Variants in MTUS1 observed in about 807,000 individuals in gnomAD.
MTUS1 encodes microtubule-associated tumor suppressor 1.
MTUS1 carries 109 observed loss-of-function variants against 120.8 expected under a neutral mutation model. That is an observed-to-expected ratio of 0.90 (90% CI 0.77 to 1.06). The LOEUF is 1.06. Among genes scored for constraint, MTUS1 ranks in the 50% least tolerant of loss-of-function variants. The pLI is 0.00. For synonymous variants in MTUS1, 737 were observed against 550.5 expected, an observed-to-expected ratio of 1.34 and a Z score of -4.74; for missense variants, 2,210 against 1,486.3, an observed-to-expected ratio of 1.49 and a Z score of -8.01.
At chr8:17,744,692 T>TC (rs1295269853) in intron 2 of MTUS1, among the ~76,000 whole-genome samples, 21 of 147,572 alleles carry the variant, frequency 1.4e-4, no homozygotes, top group Admixed American at 1.4e-3. Context: ...ATGTTTTCTT[T>TC]TTTTTTTTTT....
At chr8:17,655,786 A>G (rs999572775) in intron 9 of MTUS1, 77 bp downstream of exon 9, 14 of 1,255,406 alleles carry the variant, frequency 1.1e-5, no homozygotes, top group Non-Finnish European at 1.6e-5. Context: ...AGAGAAGCTC[A>G]TCAAGATGTG....
intron 6 of MTUS1, among the ~76,000 whole-genome samples, chr8:17,689,839 T>G (rs1467167952): frequency 6.9e-6 from 1 of 144,638 alleles, no homozygotes; most frequent in African/African-American, 2.6e-5. Flanking sequence ...ACAGAGAAAC[T>G]GGAGACCTAT....
At chr8:17,698,295 G>T (rs759472417) in intron 6 of MTUS1, among the ~76,000 whole-genome samples, 3 of 152,172 alleles carry the variant, frequency 2.0e-5, no homozygotes, top group Non-Finnish European at 4.4e-5. Flanking sequence ...GGAGTGTGAG[G>T]AGGGCACAGT....
At chr8:17,698,657 T>C (rs1218620198) in intron 6 of MTUS1, among the ~76,000 whole-genome samples, 5 of 152,158 alleles carry the variant, frequency 3.3e-5, no homozygotes, top group South Asian at 2.1e-4. Flanking sequence ...AGAAATTCTA[T>C]AGAGTAGGGT....
intron 8 of MTUS1, among the ~76,000 whole-genome samples, chr8:17,661,423 C>T (rs568435843): frequency 1.3e-5 from 2 of 152,292 alleles, no homozygotes; most frequent in South Asian, 4.1e-4. Flanking sequence ...AACTCAGGGA[C>T]TCAGCAATAA....
At chr8:17,706,267 G>A (rs925495824) in intron 6 of MTUS1, 4 of 151,962 alleles carry the variant, frequency 2.6e-5, no homozygotes, top group African/African-American at 9.7e-5. Context: ...TGCCTTTCTG[G>A]GAATTATTTC....
Position 17,723,799 on chromosome 8 carries a change from T to A in MTUS1, c.2322A>T (p.Ser774=). 6.2e-7 allele frequency: 1 copy of A among 1,605,096 alleles called. No individual in the cohort carries two copies. Among genetic ancestry groups the A allele is most frequent in the African/African-American group, 1.3e-5 (1 of 74,692 alleles). ...KPTSLKTAQS[S]WVNLPRPLPK... The stretch of plus-strand genomic sequence containing the variant: ...GAAGTGGTCTAGGCAAATTCACCCA[T>A]GACGACTGTGCAGTTTTCAAGGATG... The change falls in exon 4 of 15, where the codon TCA becomes TCT. Residue 774 remains serine, a synonymous_variant. Transcript: ENST00000693296.
Position 17,719,102 on chromosome 8 carries a change from G to A in MTUS1, c.2450-3201C>T, listed in dbSNP as rs575114553. 9.9e-4 allele frequency among the ~76,000 whole-genome samples: 151 copies of A among 152,060 alleles called. 1 individual carries two copies. The highest frequency in any genetic ancestry group is 3.3e-3 in the African/African-American group (136 of 41,482). On this transcript the variant is annotated intron_variant, in intron 4 of 14. Transcript: ENST00000693296. The stretch of plus-strand genomic sequence containing the variant: ...GGAGAACTGCTTGAACCCAGGAGGC[G>A]GAGGTTGCAGTGAGCCGAGATCGTG...
chr8:17,784,678 T>A (rs1364345488), intron 1 of MTUS1, among the ~76,000 whole-genome samples: 2 of 152,226 alleles, frequency 1.3e-5, no homozygotes, highest in African/African-American at 4.8e-5. Context: ...TACAATAGCA[T>A]GCAGAACAGT....
rs3216868 is a variant in MTUS1 at position 17,713,118 on chromosome 8, TA to T, written c.2623+95del. The T allele has an allele frequency of 5.9e-6, 6 of 1,011,244 alleles. No individual in the cohort carries two copies. The East Asian group carries it at 1.5e-4, about 25-fold the overall frequency. 62.6% of individuals were successfully genotyped at this position (1,011,244 alleles called of 1,614,324 possible). A position where few individuals can be genotyped will look rare whatever the true frequency, so the allele number is the denominator to read the frequency against. On this transcript the variant is annotated intron_variant, in intron 6 of 14. Transcript: ENST00000693296. ...TACACCTCAAATTGGAAATTCTACT[TA>T]TAAGCACACCAGTAAAAAATCACTG...
chr8:17,692,631 C>T lies in MTUS1; in HGVS notation c.2624-8089G>A, dbSNP rs940529765. ...CACTTCTTTAAAACGGTTCTCTTCACGAACACAAAGAAGGGAAACAACAGA... is the reference window on the plus strand; with the variant it reads ...CACTTCTTTAAAACGGTTCTCTTCATGAACACAAAGAAGGGAAACAACAGA... On this transcript the variant is annotated intron_variant, in intron 6 of 14. Coordinates refer to ENST00000693296, the MANE Select transcript of MTUS1 (RefSeq NM_001363059.2). Among the ~76,000 whole-genome samples, 27 of 152,158 alleles carry T rather than the reference C, an allele frequency of 1.8e-4. 1 individual carries two copies. Among genetic ancestry groups the T allele is most frequent in the Non-Finnish European group, 3.7e-4 (25 of 68,016 alleles).
rs537736390 is a variant in MTUS1, at chr8:17,653,515, A to G, written c.3215-17T>C. 9.8e-5 allele frequency: 155 copies of G among 1,578,110 alleles called. No homozygotes were observed. In the East Asian group the frequency reaches 3.2e-3, roughly 33 times the overall value. On this transcript the variant is annotated splice_polypyrimidine_tract_variant and intron_variant, in intron 10 of 14. Transcript: ENST00000693296. ...TCTTAATTTCTGGGAAAATAAACGG[A>G]TATTTTTGAGGCAATAACATTCTAT...
Position 17,752,445 on chromosome 8 carries a change from T to TA in MTUS1, c.2091+1271dup, listed in dbSNP as rs1310431523. Among the ~76,000 whole-genome samples, 6 of 152,220 alleles carry TA rather than the reference T, an allele frequency of 3.9e-5. No homozygotes were observed. The East Asian group carries it at 7.7e-4, about 20-fold the overall frequency. On this transcript the variant is annotated intron_variant, in intron 2 of 14. Coordinates refer to ENST00000693296, the MANE Select transcript of MTUS1 (RefSeq NM_001363059.2). The stretch of plus-strand genomic sequence containing the variant: ...TTTGACTTCAAGATAACTTAAAAAC[T>TA]AAATCTGAGTTTTGAAACAACGGAT...
At chr8:17,726,615 T>C (rs75438532) in intron 3 of MTUS1, among the ~76,000 whole-genome samples, 1 of 152,236 alleles carries the variant, frequency 6.6e-6, no homozygotes, top group African/African-American at 2.4e-5. Flanking sequence ...ACAAGCTTAT[T>C]TGAATCTTCA....
chr8:17,789,064 C>A (rs1002974173), intron 1 of MTUS1, among the ~76,000 whole-genome samples: 4 of 151,054 alleles, frequency 2.6e-5, no homozygotes, highest in Non-Finnish European at 5.9e-5. Flanking sequence ...CGGAGTTTCA[C>A]TCTTATTGCC....
At chr8:17,723,622 T>C (rs947283303) in intron 4 of MTUS1, 50 bp downstream of exon 4, 1 of 1,564,826 alleles carries the variant, frequency 6.4e-7, no homozygotes, top group Non-Finnish European at 8.8e-7. Context: ...TAGTTTTTCT[T>C]GTAATGACTG....
At chr8:17,680,817 G>A (rs1814300009) in intron 7 of MTUS1, among the ~76,000 whole-genome samples, 1 of 152,102 alleles carries the variant, frequency 6.6e-6, no homozygotes, top group African/African-American at 2.4e-5. Flanking sequence ...AGGTGTTCGG[G>A]GACTGAGCAG....
At chr8:17,676,109 G>A (rs1041204056) in intron 7 of MTUS1, 5 of 602,022 alleles carry the variant, frequency 8.3e-6, no homozygotes, top group Non-Finnish European at 1.2e-5. Flanking sequence ...GATCACCCAA[G>A]ACGGAGCTCC....
chr8:17,744,306 T>C (rs2047563839), intron 2 of MTUS1, among the ~76,000 whole-genome samples: 1 of 152,172 alleles, frequency 6.6e-6, no homozygotes, highest in Admixed American at 6.5e-5. Context: ...ATCTATTACC[T>C]CTAAAGGCGG....
Sources: gnomAD v4.1 joint callset for allele counts (sites outside exome capture counted in the v4.1 genomes callset) on GRCh38, gnomAD v4.1.1 for gene constraint, MANE v1.5 for transcripts, NCBI Gene and HGNC (gene_info 2026-07-23, HGNC 2026-07-21) for gene names.